The following MOBP variants were observed in gnomAD, a reference collection of about 807,000 sequenced individuals.
MOBP encodes the protein myelin associated oligodendrocyte basic protein, also known as myelin-associated oligodendrocyte basic protein.
MOBP carries 5 observed loss-of-function variants against 15.0 expected under a neutral mutation model. That is an observed-to-expected ratio of 0.33 (90% CI 0.17 to 0.70). MOBP has a LOEUF of 0.70. Among genes scored for constraint, MOBP ranks in the 30% least tolerant of loss-of-function variants. The probability of loss-of-function intolerance (pLI) is 0.67; values close to 1 mark genes in which losing one functional copy is unlikely to be tolerated. For synonymous variants in MOBP, 88 were observed against 99.0 expected, an observed-to-expected ratio of 0.89 and a Z score of 0.66; for missense variants, 188 against 257.8, an observed-to-expected ratio of 0.73 and a Z score of 1.85.
chr3:39,521,341 G>A (rs1342620241), intron 3 of MOBP, among the ~76,000 whole-genome samples: 2 of 152,180 alleles, frequency 1.3e-5, no homozygotes, highest in Admixed American at 6.5e-5. Flanking sequence ...TACAGGGAAT[G>A]CAACAGCCAG....
intron 1 of MOBP, among the ~76,000 whole-genome samples, chr3:39,468,201 A>G (rs140457063): frequency 0.011 from 1,607 of 152,084 alleles, 47 homozygotes; most frequent in Admixed American, 0.063. Flanking sequence ...GGGGATCTTA[A>G]TGGAACAACA....
intron 1 of MOBP, among the ~76,000 whole-genome samples, chr3:39,468,936 TTGTG>T (rs1553616164): frequency 1.9e-5 from 1 of 54,034 alleles, no homozygotes; most frequent in Admixed American, 1.7e-4. Flanking sequence ...CATATATACA[TTGTG>T]TGTATATATA....
chr3:39,507,163 A>G (rs967001753), downstream of MOBP, among the ~76,000 whole-genome samples: 4 of 152,228 alleles, frequency 2.6e-5, no homozygotes, highest in African/African-American at 9.6e-5. Flanking sequence ...ATTGACATTA[A>G]TATGTGAGCC....
intron 2 of MOBP, among the ~76,000 whole-genome samples, chr3:39,495,718 A>G (rs1380489309): frequency 6.8e-6 from 1 of 146,894 alleles, no homozygotes; most frequent in Non-Finnish European, 1.5e-5. Flanking sequence ...GCACCACTGT[A>G]CTCTAGAATG....
At chr3:39,491,868 A>T (rs2125643607) in intron 2 of MOBP, among the ~76,000 whole-genome samples, 1 of 152,046 alleles carries the variant, frequency 6.6e-6, no homozygotes, top group Non-Finnish European at 1.5e-5. Flanking sequence ...ATGGTGGGGG[A>T]TGTGGGTATG....
intron 4 of MOBP, among the ~76,000 whole-genome samples, chr3:39,511,941 T>G (rs2043124849): frequency 6.6e-6 from 1 of 152,234 alleles, no homozygotes; most frequent in African/African-American, 2.4e-5. Context: ...TCCTGTGTCT[T>G]AAGTACTTAT....
downstream of MOBP, among the ~76,000 whole-genome samples, chr3:39,504,657 A>G (rs1309260572): frequency 6.6e-6 from 1 of 152,162 alleles, no homozygotes; most frequent in African/African-American, 2.4e-5. Context: ...CCTATTTGAG[A>G]TATTCATTTT....
Position 39,490,623 on chromosome 3 carries a change from C to A in MOBP, c.-5+10500C>A, listed in dbSNP as rs1008461971. On this transcript the variant is annotated intron_variant, in intron 2 of 3. Coordinates refer to ENST00000684792, the MANE Select transcript of MOBP (RefSeq NM_001393704.1). ...TGTCACCCAGGCTGGAGTGCAGTGGCGTGATCTTGGCTCACTGCAACCTTC... is the reference window on the plus strand; with the variant it reads ...TGTCACCCAGGCTGGAGTGCAGTGGAGTGATCTTGGCTCACTGCAACCTTC... 2.0e-5 allele frequency among the ~76,000 whole-genome samples: 3 copies of A among 152,116 alleles called. No individual in the cohort carries two copies. In the East Asian group the frequency reaches 5.8e-4, roughly 29 times the overall value.
At chr3:39,482,865 A>C (rs550996888) in intron 2 of MOBP, among the ~76,000 whole-genome samples, 74 of 151,868 alleles carry the variant, frequency 4.9e-4, no homozygotes, top group Non-Finnish European at 9.1e-4. Context: ...TAAGTCCTCA[A>C]ATATACCTCC....
downstream of MOBP, among the ~76,000 whole-genome samples, chr3:39,507,154 T>C (rs1462841623): frequency 6.6e-6 from 1 of 152,220 alleles, no homozygotes; most frequent in Non-Finnish European, 1.5e-5. Context: ...TAATTCATCA[T>C]TGACATTAAT....
chr3:39,483,660 T>C (rs1483851623), intron 2 of MOBP, among the ~76,000 whole-genome samples: 2 of 152,244 alleles, frequency 1.3e-5, no homozygotes, highest in Non-Finnish European at 2.9e-5. Flanking sequence ...GAAAAAATTA[T>C]AAGAGAATTT....
downstream of MOBP, among the ~76,000 whole-genome samples, chr3:39,503,636 A>G (rs499816): frequency 0.92 from 136,784 of 149,166 alleles, 63,374 homozygotes; most frequent in Middle Eastern, 0.98. Context: ...TCTTGCCCCA[A>G]TACACACATG....
At chr3:39,513,410 AAAG>A (rs1468772115) in exon 5 of MOBP, 12 of 1,614,178 alleles carry the variant, frequency 7.4e-6, no homozygotes, top group Admixed American at 3.3e-5. Context: ...GGCCAACCCC[AAAG>A]AAGAAGTGAC....
chr3:39,489,744 G>A (rs2125641509), intron 2 of MOBP, among the ~76,000 whole-genome samples: 1 of 152,112 alleles, frequency 6.6e-6, no homozygotes, highest in East Asian at 1.9e-4. Flanking sequence ...AGGTGACTGA[G>A]GATAACAGAG....
At chr3:39,499,628 T>C (rs986355411) in intron 2 of MOBP, 2 of 158,674 alleles carry the variant, frequency 1.3e-5, no homozygotes, top group African/African-American at 2.4e-5. Context: ...GCCTGTTTCT[T>C]CATGGATGTC....
Position 39,494,480 on chromosome 3 carries a change from C to T in MOBP, c.-4-7586C>T, listed in dbSNP as rs1465109806. Among the ~76,000 whole-genome samples the T allele has an allele frequency of 4.7e-5, 7 of 149,290 alleles. No homozygotes were observed. In the East Asian group the frequency reaches 7.9e-4, roughly 17 times the overall value. On this transcript the variant is annotated intron_variant, in intron 2 of 3. Transcript: ENST00000684792. ...GCAGTTTCAAATTTGTTTTTTTTTTCCTCATCCTGCCAGAGAGTTCATAGT... is the reference window on the plus strand; with the variant it reads ...GCAGTTTCAAATTTGTTTTTTTTTTTCTCATCCTGCCAGAGAGTTCATAGT...
chr3:39,527,481 C>T (rs2043336259), downstream of MOBP: 1 of 148,034 alleles, frequency 6.8e-6, no homozygotes, highest in Non-Finnish European at 1.5e-5. Context: ...CTCTTGTTAC[C>T]CAGGCTGGAG....
chr3:39,503,658 T>TTTTATAATTTA (rs1553619060), downstream of MOBP, among the ~76,000 whole-genome samples: 1 of 147,890 alleles, frequency 6.8e-6, no homozygotes, highest in Non-Finnish European at 1.5e-5. Flanking sequence ...CTGGCCAATT[T>TTTTATAATTTA]TTTATTTATT....
chr3:39,515,258 GT>G (rs1407609956), exon 5 of MOBP: 1 of 152,392 alleles, frequency 6.6e-6, no homozygotes. Context: ...CAGAGTTGGG[GT>G]GGTGGGAGAA....
Sources: gnomAD v4.1 joint callset for allele counts (sites outside exome capture counted in the v4.1 genomes callset) on GRCh38, gnomAD v4.1.1 for gene constraint, MANE v1.5 for transcripts, NCBI Gene and HGNC (gene_info 2026-07-23, HGNC 2026-07-21) for gene names.